The following LINGO2 variants were observed in gnomAD, a reference collection of about 807,000 sequenced individuals.
LINGO2 encodes the protein leucine-rich repeat and immunoglobulin-like domain-containing nogo receptor-interacting protein 2.
LINGO2 carries 14 observed loss-of-function variants against 30.6 expected under a neutral mutation model. That is an observed-to-expected ratio of 0.46 (90% CI 0.30 to 0.72). The LOEUF is 0.72. LINGO2 is among the 30% of genes least tolerant of loss of function. LINGO2 has a pLI of 0.07. For missense variants in LINGO2, 729 were observed against 751.7 expected (o/e 0.97, Z 0.35); for synonymous variants, 317 against 288.5 (o/e 1.10, Z -1.00).
At chr9:28,803,470 A>C in the LINGO2 span, among the ~76,000 whole-genome samples, 1 of 151,824 alleles carries the variant, frequency 6.6e-6, no homozygotes, top group Non-Finnish European at 1.5e-5. Context: ...AATTCTGAAC[A>C]AAGAGTTGAC....
chr9:28,346,964 C>T (rs1176968525), intron 3 of LINGO2, among the ~76,000 whole-genome samples: 1 of 151,294 alleles, frequency 6.6e-6, no homozygotes, highest in Non-Finnish European at 1.5e-5. Context: ...AATATTTTCT[C>T]CCATTCTGTA....
intron 1 of LINGO2, among the ~76,000 whole-genome samples, chr9:28,553,373 T>C (rs547501049): frequency 4.2e-4 from 64 of 152,052 alleles, no homozygotes; most frequent in East Asian, 2.9e-3. Context: ...GGAGCCGATG[T>C]GATCAATTGG....
chr9:28,294,729 G>A (rs888784874), intron 4 of LINGO2, among the ~76,000 whole-genome samples: 3 of 152,272 alleles, frequency 2.0e-5, no homozygotes, highest in Non-Finnish European at 2.9e-5. Context: ...GATTTGGAAT[G>A]ATAAATACTT....
intron 1 of LINGO2, among the ~76,000 whole-genome samples, chr9:28,599,484 A>G (rs1018569767): frequency 2.0e-5 from 3 of 152,140 alleles, no homozygotes; most frequent in Admixed American, 2.0e-4. Context: ...ATGTTTGAAA[A>G]TGTTTAAATT....
chr9:28,782,877 T>C, the LINGO2 span, among the ~76,000 whole-genome samples: 2 of 152,188 alleles, frequency 1.3e-5, no homozygotes, highest in East Asian at 1.9e-4. Context: ...TACACAAACC[T>C]AAGATGGCGC....
At chr9:28,862,672 T>G in the LINGO2 span, among the ~76,000 whole-genome samples, 1 of 152,236 alleles carries the variant, frequency 6.6e-6, no homozygotes, top group East Asian at 1.9e-4. Flanking sequence ...CCACTGTCAC[T>G]TAGGTGTCCA....
At chr9:28,986,381 T>G in the LINGO2 span, among the ~76,000 whole-genome samples, 2 of 152,090 alleles carry the variant, frequency 1.3e-5, no homozygotes, top group African/African-American at 2.4e-5. Context: ...TCCAAATGAA[T>G]TTTACAACTT....
chr9:28,392,606 C>G (rs1188965012), intron 2 of LINGO2, among the ~76,000 whole-genome samples: 5 of 152,206 alleles, frequency 3.3e-5, no homozygotes, highest in Non-Finnish European at 7.3e-5. Flanking sequence ...TTCATCAACT[C>G]TCTTCTCTCC....
the LINGO2 span, among the ~76,000 whole-genome samples, chr9:28,892,221 T>A: frequency 1.3e-5 from 2 of 152,004 alleles, no homozygotes; most frequent in African/African-American, 4.8e-5. Flanking sequence ...CAAGCAGTCA[T>A]AATGTACTGA....
the LINGO2 span, among the ~76,000 whole-genome samples, chr9:28,981,698 T>C: frequency 6.6e-6 from 1 of 152,134 alleles, no homozygotes; most frequent in African/African-American, 2.4e-5. Flanking sequence ...CTCTACCACA[T>C]ATCCACTGTT....
chr9:28,887,512 AAAG>A, the LINGO2 span, among the ~76,000 whole-genome samples: 1 of 152,132 alleles, frequency 6.6e-6, no homozygotes, highest in Non-Finnish European at 1.5e-5. Flanking sequence ...TATTAAAAAA[AAAG>A]AAGGGCATGT....
chr9:29,170,045 T>C, the LINGO2 span, among the ~76,000 whole-genome samples: 2 of 151,786 alleles, frequency 1.3e-5, no homozygotes, highest in African/African-American at 4.8e-5. Flanking sequence ...AGTATGGAGA[T>C]TTCTCAAATA....
the LINGO2 span, among the ~76,000 whole-genome samples, chr9:28,711,736 C>T: frequency 1.3e-5 from 2 of 152,114 alleles, no homozygotes; most frequent in East Asian, 3.9e-4. Context: ...TTAATTTCCT[C>T]ATCTAGAAAT....
intron 1 of LINGO2, among the ~76,000 whole-genome samples, chr9:28,526,924 A>G (rs1426747190): frequency 6.6e-6 from 1 of 152,224 alleles, no homozygotes; most frequent in African/African-American, 2.4e-5. Flanking sequence ...ACTGGGAGCT[A>G]TCAATATATG....
At chr9:28,870,060 C>T in the LINGO2 span, among the ~76,000 whole-genome samples, 30 of 151,830 alleles carry the variant, frequency 2.0e-4, no homozygotes, top group South Asian at 1.5e-3. Flanking sequence ...ATATTGAGTC[C>T]CTCCTTCACT....
the LINGO2 span, among the ~76,000 whole-genome samples, chr9:28,953,602 T>C: frequency 2.6e-5 from 4 of 152,116 alleles, no homozygotes; most frequent in Non-Finnish European, 4.4e-5. Flanking sequence ...TTTGACTTAA[T>C]AGAAAATAGC....
chr9:28,747,413 G>A, the LINGO2 span, among the ~76,000 whole-genome samples: 7 of 152,044 alleles, frequency 4.6e-5, no homozygotes, highest in Non-Finnish European at 7.4e-5. Flanking sequence ...GTGCATGACC[G>A]GATTCTTCCT....
At chr9:28,053,657 T>TG (rs1267924970) in intron 4 of LINGO2, among the ~76,000 whole-genome samples, 2 of 152,042 alleles carry the variant, frequency 1.3e-5, no homozygotes, top group Non-Finnish European at 2.9e-5. Context: ...CAAGATCACC[T>TG]GGGGAATTGT....
At chr9:29,030,389 G>T in the LINGO2 span, among the ~76,000 whole-genome samples, 2 of 151,904 alleles carry the variant, frequency 1.3e-5, no homozygotes, top group African/African-American at 2.4e-5. Context: ...CCCCTCATCC[G>T]GATTTCCCTA....
Sources: allele counts gnomAD v4.1 joint callset (sites outside exome capture counted in the v4.1 genomes callset), GRCh38; gene constraint gnomAD v4.1.1; transcripts MANE v1.5; gene names NCBI Gene and HGNC (gene_info 2026-07-23, HGNC 2026-07-21).